The following COL25A1 variants were observed in gnomAD, a reference collection of about 807,000 sequenced individuals.
COL25A1 encodes the protein collagen type XXV alpha 1 chain.
In COL25A1, 103 loss-of-function variants were observed where a neutral mutation model predicts 128.4. That is an observed-to-expected ratio of 0.80 (90% CI 0.68 to 0.94). The LOEUF is 0.94. Ranked by LOEUF, COL25A1 falls within the 40% of genes least tolerant of loss-of-function variation. The probability of loss-of-function intolerance (pLI) is 0.00; values close to 1 mark genes in which losing one functional copy is unlikely to be tolerated. For missense variants in COL25A1, 745 were observed against 840.0 expected (o/e 0.89, Z 1.40); for synonymous variants, 279 against 277.2 (o/e 1.01, Z -0.06).
chr4:109,219,328 G>C (rs148962586), intron 3 of COL25A1, among the ~76,000 whole-genome samples: 5 of 152,110 alleles, frequency 3.3e-5, no homozygotes, highest in African/African-American at 4.8e-5. Flanking sequence ...GATTCAGACT[G>C]TTTCTTGCTT....
intron 6 of COL25A1, among the ~76,000 whole-genome samples, chr4:108,999,078 C>T (rs917257913): frequency 1.3e-5 from 2 of 152,078 alleles, no homozygotes; most frequent in African/African-American, 2.4e-5. Flanking sequence ...GACTAAAACA[C>T]CAAAAGCAAT....
At chr4:109,001,390 T>G in intron 6 of COL25A1, among the ~76,000 whole-genome samples, 3 of 152,168 alleles carry the variant, frequency 2.0e-5, no homozygotes, top group Admixed American at 1.3e-4. Flanking sequence ...TGAGATCCTG[T>G]CAGGTAGGCA....
At chr4:109,248,161 C>G (rs72672615) in intron 3 of COL25A1, among the ~76,000 whole-genome samples, 6,104 of 151,822 alleles carry the variant, frequency 0.04, 307 homozygotes, top group Non-Finnish European at 0.046. Flanking sequence ...TGTATTGCTA[C>G]GATTATAACT....
At chr4:109,135,362 C>A (rs1051603916) in intron 3 of COL25A1, among the ~76,000 whole-genome samples, 3 of 152,052 alleles carry the variant, frequency 2.0e-5, no homozygotes, top group African/African-American at 7.2e-5. Flanking sequence ...AAGAATGTGT[C>A]CTTATCATTC....
At chr4:108,831,111 T>G (rs933644857) in intron 32 of COL25A1, among the ~76,000 whole-genome samples, 1 of 152,038 alleles carries the variant, frequency 6.6e-6, no homozygotes, top group Non-Finnish European at 1.5e-5. Flanking sequence ...TCATGCATTT[T>G]TTTTTCTCTG....
In COL25A1 at chr4:109,164,670, T is replaced by G. The variant is rs144807629; in HGVS notation, c.368-114491A>C. On this transcript the variant is annotated intron_variant, in intron 3 of 37. Coordinates refer to ENST00000399132, the MANE Select transcript of COL25A1 (RefSeq NM_198721.4). ...TAATCTGTTCAAAAGTCCTGTAGGG[T>G]GCATGCTTTATAAAAGGATAGGACC... 2.7e-3 allele frequency among the ~76,000 whole-genome samples: 413 copies of G among 152,272 alleles called. 3 individuals are homozygous for G. The highest frequency in any genetic ancestry group is 8.9e-3 in the East Asian group (46 of 5,172).
chr4:109,020,610 C>G (rs935989148), intron 5 of COL25A1, among the ~76,000 whole-genome samples: 4 of 151,918 alleles, frequency 2.6e-5, no homozygotes, highest in Non-Finnish European at 5.9e-5. Flanking sequence ...AAAATCTACT[C>G]ATGTTTAAAC....
rs936980298 is a variant in COL25A1, at chr4:108,813,683, G to A, written c.*244C>T. On this transcript the variant is annotated 3_prime_UTR_variant, in exon 38 of 38. Transcript: ENST00000399132. ...ACCACTGATTTGTCCATATAAATAC[G>A]TATCTTCACATAAGATAAGGAGATA... 3.1e-5 allele frequency: 13 copies of A among 416,400 alleles called. No homozygotes were observed. The highest frequency in any genetic ancestry group is 1.2e-3 in the Middle Eastern group (2 of 1,672). 25.8% of individuals were successfully genotyped at this position (416,400 alleles called of 1,614,324 possible). A position where few individuals can be genotyped will look rare whatever the true frequency, so the allele number is the denominator to read the frequency against.
chr4:109,149,834 T>G (rs1277783821), intron 3 of COL25A1, among the ~76,000 whole-genome samples: 1 of 152,202 alleles, frequency 6.6e-6, no homozygotes, highest in Non-Finnish European at 1.5e-5. Context: ...CAGGATTAGA[T>G]GAATGATAAT....
chr4:108,978,434 A>C (rs1752648843), intron 6 of COL25A1, among the ~76,000 whole-genome samples: 1 of 152,228 alleles, frequency 6.6e-6, no homozygotes. Context: ...AGATAGTATA[A>C]TATTTCCAAA....
intron 11 of COL25A1, 102 bp downstream of exon 11, chr4:108,937,706 A>G: frequency 1.0e-6 from 1 of 978,674 alleles, no homozygotes; most frequent in Non-Finnish European, 1.5e-6. Flanking sequence ...TCACTTTTTT[A>G]TTATAGTCTG....
intron 3 of COL25A1, among the ~76,000 whole-genome samples, chr4:109,216,270 A>AAAGG (rs150574564): frequency 9.6e-4 from 143 of 148,222 alleles, no homozygotes; most frequent in East Asian, 1.8e-3. Flanking sequence ...GGAAGGAAAA[A>AAAGG]AAGGAAGGAA....
In COL25A1 at chr4:108,846,150, G is replaced by A; in HGVS notation, c.1504C>T (p.Pro502Ser). The change falls in exon 28 of 38, where the codon CCT (proline) becomes TCT (serine). Residue 502 changes from proline (P) to serine (S), a missense_variant. Physicochemically the swap from Pro to Ser is moderately conservative, Grantham distance 74. This residue lies in a region of COL25A1 where 387 missense variants were observed against 441.9 expected (regional missense o/e 0.88). Coordinates refer to ENST00000399132, the MANE Select transcript of COL25A1 (RefSeq NM_198721.4). ...MTGEKGGIGL[P>S]GLPGANGMKG... ...AAGTATAAACATACCGGTAATCCAG[G>A]AAGTCCAATTCCTCCTTTTTCACCT... is the stretch of plus-strand genomic sequence containing the variant. 6.2e-7 allele frequency: 1 copy of A among 1,607,060 alleles called. No homozygotes were observed. The highest frequency in any genetic ancestry group is 1.1e-5 in the South Asian group (1 of 90,948).
rs1339668350 is a variant in COL25A1, at chr4:109,050,173, G to C, written c.374C>G (p.Pro125Arg). 1.9e-6 allele frequency: 3 copies of C among 1,606,300 alleles called. No homozygotes were observed. Among genetic ancestry groups the C allele is most frequent in the Non-Finnish European group, 2.6e-6 (3 of 1,175,270 alleles). Residue 125 changes from proline (P) to arginine (R), a missense_variant, in exon 4 of 38, where the codon CCA becomes CGA. Transcript: ENST00000399132. ...PSECNCPAGP[P>R]GKRGKRGRRG... ...TCGGCCTCTCTTACCTCGTTTCCCT[G>C]GAGGGCCTGAAATACAAAGGATAAT...
At chr4:109,059,992 A>G (rs1761814404) in intron 3 of COL25A1, among the ~76,000 whole-genome samples, 1 of 152,200 alleles carries the variant, frequency 6.6e-6, no homozygotes, top group Admixed American at 6.5e-5. Flanking sequence ...CTATGTTTGA[A>G]CCTGTCTCTT....
intron 22 of COL25A1, among the ~76,000 whole-genome samples, chr4:108,861,522 C>T (rs1737224485): frequency 6.6e-6 from 1 of 152,162 alleles, no homozygotes; most frequent in African/African-American, 2.4e-5. Context: ...ACACTCAGTG[C>T]TGAAGTGGAC....
chr4:109,206,584 G>A (rs188190409), intron 3 of COL25A1, among the ~76,000 whole-genome samples: 116 of 152,230 alleles, frequency 7.6e-4, no homozygotes, highest in African/African-American at 2.7e-3. Context: ...TCTTGCACCT[G>A]ACAACACTTT....
intron 3 of COL25A1, among the ~76,000 whole-genome samples, chr4:109,079,986 A>G (rs1003536614): frequency 1.3e-5 from 2 of 152,060 alleles, no homozygotes; most frequent in African/African-American, 4.8e-5. Context: ...TGTTTATACT[A>G]ATATCAGTTG....
At chr4:109,268,254 CT>C (rs1259954484) in intron 3 of COL25A1, among the ~76,000 whole-genome samples, 3 of 152,104 alleles carry the variant, frequency 2.0e-5, no homozygotes, top group African/African-American at 7.2e-5. Context: ...TTTCCTTTTT[CT>C]TTGTTTTGCT....
Sources: allele counts gnomAD v4.1 joint callset (sites outside exome capture counted in the v4.1 genomes callset), GRCh38; gene constraint gnomAD v4.1.1; regional missense constraint gnomAD v4.1.1; transcripts MANE v1.5; gene names NCBI Gene and HGNC (gene_info 2026-07-23, HGNC 2026-07-21).